KAZN: variants seen among roughly 807,000 people sequenced by gnomAD.
The protein encoded by KAZN is kazrin, periplakin interacting protein, also known as kazrin.
In KAZN, 40 loss-of-function variants were observed where a neutral mutation model predicts 87.4. The observed-to-expected ratio is 0.46, with a 90% confidence interval of 0.36 to 0.60. The LOEUF is 0.60. Among genes scored for constraint, KAZN ranks in the 20% least tolerant of loss-of-function variants. The pLI is 0.00. For synonymous variants in KAZN, 466 were observed against 458.3 expected (o/e 1.02, Z -0.22); for missense variants, 898 against 1,073.9 (o/e 0.84, Z 2.29).
intron 2 of KAZN, among the ~76,000 whole-genome samples, chr1:14,248,269 C>T (rs1286744184): frequency 1.3e-5 from 2 of 152,202 alleles, no homozygotes; most frequent in Non-Finnish European, 2.9e-5. Context: ...AGTTCTGTGA[C>T]TTTAAACACG....
chr1:14,641,787 A>C (rs1205075754), intron 1 of KAZN, among the ~76,000 whole-genome samples: 1 of 152,236 alleles, frequency 6.6e-6, no homozygotes. Context: ...CACCAAAAGC[A>C]CAACTCATGA....
At chr1:14,758,138 C>G (rs906182035) in intron 1 of KAZN, among the ~76,000 whole-genome samples, 1 of 124,704 alleles carries the variant, frequency 8.0e-6, no homozygotes, top group African/African-American at 3.4e-5. Context: ...CTCTTTCCTT[C>G]CCTCCTTCCT....
At chr1:14,691,280 T>C (rs1436558437) in intron 1 of KAZN, among the ~76,000 whole-genome samples, 1 of 152,316 alleles carries the variant, frequency 6.6e-6, no homozygotes, top group South Asian at 2.1e-4. Context: ...TTGCAATGTA[T>C]TGAAAGTGAA....
intron 1 of KAZN, among the ~76,000 whole-genome samples, chr1:14,084,922 G>A (rs1321840164): frequency 1.3e-5 from 2 of 152,064 alleles, no homozygotes; most frequent in Non-Finnish European, 2.9e-5. Flanking sequence ...GCATATATAT[G>A]TGTGTGTGTA....
At chr1:15,036,232 C>CT (rs1183115496) in intron 3 of KAZN, among the ~76,000 whole-genome samples, 3 of 51,490 alleles carry the variant, frequency 5.8e-5, no homozygotes, top group African/African-American at 2.3e-4. Context: ...CTCCCCCCAT[C>CT]CCCCTCTGCC....
intron 6 of KAZN, chr1:15,061,631 T>G (rs1638805864): frequency 6.6e-6 from 1 of 152,226 alleles, no homozygotes; most frequent in Non-Finnish European, 1.5e-5. Context: ...ACAATTCTCC[T>G]GCCTCAGCCT....
chr1:14,114,924 C>T (rs2101683787), intron 1 of KAZN, among the ~76,000 whole-genome samples: 1 of 152,324 alleles, frequency 6.6e-6, no homozygotes, highest in Non-Finnish European at 1.5e-5. Flanking sequence ...TAAATTGGTT[C>T]ACTTGCTTAG....
At chr1:14,859,529 A>C (rs1356610994) in intron 1 of KAZN, among the ~76,000 whole-genome samples, 10 of 152,138 alleles carry the variant, frequency 6.6e-5, no homozygotes. Flanking sequence ...GGAGGTATAG[A>C]TCTCCTTAAT....
intron 1 of KAZN, among the ~76,000 whole-genome samples, chr1:14,802,441 C>T (rs1009764063): frequency 6.6e-6 from 1 of 151,306 alleles, no homozygotes; most frequent in African/African-American, 2.4e-5. Context: ...AATTTTGCCA[C>T]CCAGGGGACA....
At chr1:13,967,507 G>C (rs2101040650) in intron 1 of KAZN, among the ~76,000 whole-genome samples, 1 of 152,292 alleles carries the variant, frequency 6.6e-6, no homozygotes, top group Middle Eastern at 3.4e-3. Context: ...GGGAAATACA[G>C]AGGCCTGGGG....
At chr1:14,539,005 T>G (rs1026874338) in intron 2 of KAZN, among the ~76,000 whole-genome samples, 5 of 152,156 alleles carry the variant, frequency 3.3e-5, no homozygotes. Context: ...TCACTAAAAC[T>G]TAGAGCGTTA....
intron 1 of KAZN, among the ~76,000 whole-genome samples, chr1:14,906,037 CAT>C (rs1557607392): frequency 1.3e-5 from 2 of 151,606 alleles, no homozygotes; most frequent in Non-Finnish European, 2.9e-5. Context: ...TATGGTGGCA[CAT>C]GCCTGTAATC....
chr1:14,262,833 C>T (rs920251796), intron 2 of KAZN, among the ~76,000 whole-genome samples: 2 of 152,174 alleles, frequency 1.3e-5, no homozygotes, highest in Non-Finnish European at 2.9e-5. Flanking sequence ...CCGGCAACAC[C>T]AGGCTTGTAG....
chr1:14,221,473 A>G (rs933448168), intron 2 of KAZN, among the ~76,000 whole-genome samples: 7 of 152,244 alleles, frequency 4.6e-5, no homozygotes, highest in Middle Eastern at 3.4e-3. Context: ...TTCTTTCTAC[A>G]TAGATAAGTT....
intron 1 of KAZN, among the ~76,000 whole-genome samples, chr1:14,663,650 C>CA (rs1052853134): frequency 6.6e-6 from 1 of 151,948 alleles, no homozygotes; most frequent in Non-Finnish European, 1.5e-5. Context: ...AAACAAACAA[C>CA]AAAAAAACAA....
intron 2 of KAZN, among the ~76,000 whole-genome samples, chr1:14,354,999 G>C (rs1658890081): frequency 2.6e-5 from 4 of 151,972 alleles, no homozygotes. Flanking sequence ...GATACAATGG[G>C]ATATTACTGA....
At chr1:14,771,675 A>T (rs1204901234) in intron 1 of KAZN, among the ~76,000 whole-genome samples, 2 of 151,882 alleles carry the variant, frequency 1.3e-5, no homozygotes, top group Non-Finnish European at 2.9e-5. Context: ...AAAATACAAA[A>T]ATTAGCCAGG....
chr1:14,959,997 C>T (rs896343855), intron 1 of KAZN, among the ~76,000 whole-genome samples: 1 of 152,204 alleles, frequency 6.6e-6, no homozygotes, highest in Middle Eastern at 3.2e-3. Flanking sequence ...GAAACCTCTG[C>T]CCACGGTGTC....
chr1:14,762,418 C>A (rs1449623630), intron 1 of KAZN, among the ~76,000 whole-genome samples: 4 of 152,098 alleles, frequency 2.6e-5, no homozygotes, highest in Non-Finnish European at 5.9e-5. Flanking sequence ...ACCTTCCTGG[C>A]ATGGTGGCAT....
Sources: allele counts gnomAD v4.1 joint callset (sites outside exome capture counted in the v4.1 genomes callset), GRCh38; gene constraint gnomAD v4.1.1; transcripts MANE v1.5; gene names NCBI Gene and HGNC (gene_info 2026-07-23, HGNC 2026-07-21).